The following PHLDB2 variants were observed in gnomAD, a reference collection of about 807,000 sequenced individuals.
PHLDB2 encodes the protein pleckstrin homology-like domain family B member 2.
In PHLDB2, 71 loss-of-function variants were observed where a neutral mutation model predicts 123.6. The observed-to-expected ratio is 0.57, with a 90% CI of 0.47 to 0.70. PHLDB2 has a LOEUF of 0.70. PHLDB2 is among the 30% of genes least tolerant of loss of function. The probability of loss-of-function intolerance (pLI) is 0.00; values close to 1 mark genes in which losing one functional copy is unlikely to be tolerated. For missense variants in PHLDB2, 1,446 were observed against 1,519.5 expected (o/e 0.95, Z 0.80); for synonymous variants, 547 against 541.6 (o/e 1.01, Z -0.14).
At chr3:111,898,535 T>G (rs1320242724) in intron 2 of PHLDB2, among the ~76,000 whole-genome samples, 1 of 152,292 alleles carries the variant, frequency 6.6e-6, no homozygotes, top group East Asian at 1.9e-4. Context: ...GATTCAACTC[T>G]TCCTTTCACA....
At chr3:111,801,262 C>T (rs1341043249) in intron 1 of PHLDB2, among the ~76,000 whole-genome samples, 1 of 152,176 alleles carries the variant, frequency 6.6e-6, no homozygotes, top group African/African-American at 2.4e-5. Context: ...CCCCTCTGAG[C>T]ACAGGGCCAC....
chr3:111,954,123 G>A, intron 12 of PHLDB2, 94 bp downstream of exon 12: 2 of 1,156,688 alleles, frequency 1.7e-6, no homozygotes, highest in Non-Finnish European at 2.5e-6. Context: ...GATGATTAGA[G>A]GAGGGATCAA....
intron 1 of PHLDB2, chr3:111,779,977 C>A: frequency 1.7e-6 from 1 of 584,164 alleles, no homozygotes; most frequent in African/African-American, 2.0e-5. Flanking sequence ...GTCGAGGACT[C>A]TGACATGTGT....
chr3:111,750,306 T>C (rs548143009), intron 1 of PHLDB2, among the ~76,000 whole-genome samples: 1 of 152,202 alleles, frequency 6.6e-6, no homozygotes, highest in Non-Finnish European at 1.5e-5. Flanking sequence ...ATACAAAACA[T>C]TTCCCCTTCT....
chr3:111,970,781 G>T (rs2072122049), intron 16 of PHLDB2, among the ~76,000 whole-genome samples: 1 of 152,136 alleles, frequency 6.6e-6, no homozygotes, highest in Admixed American at 6.5e-5. Context: ...AAAAAACCCT[G>T]TTTTGGGGTG....
chr3:111,855,961 C>T (rs2064484205), upstream of PHLDB2, among the ~76,000 whole-genome samples: 1 of 152,142 alleles, frequency 6.6e-6, no homozygotes, highest in Non-Finnish European at 1.5e-5. Context: ...CTTGCACCTT[C>T]AGGGTGGTCT....
At chr3:111,954,058 G>A (rs777589740) in intron 12 of PHLDB2, 29 bp downstream of exon 12, 1 of 1,587,918 alleles carries the variant, frequency 6.3e-7, no homozygotes, top group African/African-American at 1.3e-5. Flanking sequence ...AAGTGTCATG[G>A]CCTTTTGTTA....
chr3:111,761,370 G>A (rs1458252046), intron 1 of PHLDB2, among the ~76,000 whole-genome samples: 2 of 152,102 alleles, frequency 1.3e-5, no homozygotes, highest in African/African-American at 4.8e-5. Context: ...GTGGGTATGG[G>A]TACACATGGG....
In PHLDB2 at chr3:111,873,819, A is replaced by G. The variant is rs139769305; in HGVS notation, c.-14-10245A>G. Reference sequence around the variant, plus strand: ...GTAGCCACACCTAAACACTTGAAGGATTACTGTCCAAGTTAAATCACTTTT... The same window carrying G: ...GTAGCCACACCTAAACACTTGAAGGGTTACTGTCCAAGTTAAATCACTTTT... On this transcript the variant is annotated intron_variant, in intron 1 of 17. Transcript: ENST00000431670. Among the ~76,000 whole-genome samples, 885 of 152,268 alleles carry G rather than the reference A, an allele frequency of 5.8e-3. 11 individuals carry two copies. The highest frequency in any genetic ancestry group is 0.02 in the African/African-American group (843 of 41,552).
At chr3:111,822,679 G>C (rs1321260234) in intron 1 of PHLDB2, among the ~76,000 whole-genome samples, 1 of 152,108 alleles carries the variant, frequency 6.6e-6, no homozygotes, top group African/African-American at 2.4e-5. Flanking sequence ...AGAAGATAAA[G>C]CCTGACGTCA....
intron 8 of PHLDB2, among the ~76,000 whole-genome samples, chr3:111,942,807 A>AAAT (rs1385782793): frequency 2.7e-5 from 4 of 149,528 alleles, no homozygotes; most frequent in Admixed American, 6.7e-5. Context: ...CTTAATATAC[A>AAAT]AATAATAATA....
chr3:111,870,499 G>A (rs548998341), intron 1 of PHLDB2, among the ~76,000 whole-genome samples: 1 of 152,116 alleles, frequency 6.6e-6, no homozygotes, highest in Non-Finnish European at 1.5e-5. Context: ...GCTAGGAAGT[G>A]GTTGTTTCTG....
At chr3:111,810,531 T>C (rs992742019) in intron 1 of PHLDB2, among the ~76,000 whole-genome samples, 1 of 152,168 alleles carries the variant, frequency 6.6e-6, no homozygotes, top group Admixed American at 6.5e-5. Context: ...AAGAGAGGGC[T>C]CTGTCTGTCG....
chr3:111,857,802 T>C (rs1393603356), upstream of PHLDB2, among the ~76,000 whole-genome samples: 2 of 152,124 alleles, frequency 1.3e-5, no homozygotes, highest in East Asian at 1.9e-4. Context: ...AGTCAGGAAA[T>C]AACAGACGCT....
chr3:111,839,948 T>TTTC (rs2063605815), intron 1 of PHLDB2, among the ~76,000 whole-genome samples: 3 of 138,260 alleles, frequency 2.2e-5, no homozygotes, highest in Non-Finnish European at 4.7e-5. Flanking sequence ...CGCTTTTTTT[T>TTTC]TTTTTTTTTT....
At chr3:111,820,447 T>C (rs1213074876) in intron 1 of PHLDB2, among the ~76,000 whole-genome samples, 1 of 152,210 alleles carries the variant, frequency 6.6e-6, no homozygotes, top group Non-Finnish European at 1.5e-5. Context: ...GGAAACACTA[T>C]AGTGATGCAA....
intron 2 of PHLDB2, among the ~76,000 whole-genome samples, chr3:111,899,304 G>C (rs905757560): frequency 6.6e-6 from 1 of 152,160 alleles, no homozygotes; most frequent in Non-Finnish European, 1.5e-5. Context: ...GGATACATGT[G>C]TATAATGTGC....
intron 2 of PHLDB2, among the ~76,000 whole-genome samples, chr3:111,905,944 G>A (rs2067502255): frequency 6.6e-6 from 1 of 152,138 alleles, no homozygotes; most frequent in Non-Finnish European, 1.5e-5. Context: ...TGACTGGAAT[G>A]TCGTTATGTG....
At chr3:111,803,024 G>T (rs76470161) in intron 1 of PHLDB2, among the ~76,000 whole-genome samples, 2,007 of 152,256 alleles carry the variant, frequency 0.013, 30 homozygotes, top group South Asian at 0.039. Flanking sequence ...ATGAGTATAG[G>T]GGATGTTGTA....
Sources: gnomAD v4.1 joint callset for allele counts (sites outside exome capture counted in the v4.1 genomes callset) on GRCh38, gnomAD v4.1.1 for gene constraint, MANE v1.5 for transcripts, NCBI Gene and HGNC (gene_info 2026-07-23, HGNC 2026-07-21) for gene names.